SRA1: variants seen among roughly 807,000 people sequenced by gnomAD.
SRA1 encodes steroid receptor RNA activator 1, also known as lncRNA SRA.
In SRA1, 25 loss-of-function variants were observed where a neutral mutation model predicts 24.3. That is an observed-to-expected ratio of 1.03 (90% confidence interval 0.75 to 1.43). SRA1 has a LOEUF of 1.43. SRA1 is among the 40% of genes most tolerant of loss of function. SRA1 has a pLI of 0.00. For synonymous variants in SRA1, 104 were observed against 109.5 expected, an observed-to-expected ratio of 0.95 and a Z score of 0.31; for missense variants, 303 against 286.6, an observed-to-expected ratio of 1.06 and a Z score of -0.41.
intron 2 of SRA1, among the ~76,000 whole-genome samples, chr5:140,554,905 T>A (rs1331395328): frequency 6.6e-6 from 1 of 152,160 alleles, no homozygotes; most frequent in South Asian, 2.1e-4. Context: ...TTTTTTTTTT[T>A]ATTGAGATGG....
In SRA1 at chr5:140,552,166, G is replaced by A; in HGVS notation, c.170C>T (p.Ser57Phe). The A allele has an allele frequency of 1.3e-6, 2 of 1,598,814 alleles. No homozygotes were observed. Among genetic ancestry groups the A allele is most frequent in the East Asian group, 2.3e-5 (1 of 44,096 alleles). Residue 57 changes from serine to phenylalanine, a missense_variant, in exon 3 of 5, where the codon TCT (serine) becomes TTT (phenylalanine). Transcript: ENST00000336283. Reference protein sequence around the residue: ...GSPRVPASETSPGPPPMGPPP... With the variant: ...GSPRVPASETFPGPPPMGPPP... Reference sequence around the variant, plus strand: ...AGGCCCCATTGGGGGAGGCCCAGGAGAAGTCTCTGATGCGGGGACTGAAAA... The same window carrying A: ...AGGCCCCATTGGGGGAGGCCCAGGAAAAGTCTCTGATGCGGGGACTGAAAA...
rs779938887 is a variant in SRA1 at position 140,557,384 on chromosome 5, G to A, written c.25+44C>T. On this transcript the variant is annotated intron_variant, in intron 1 of 4. Transcript: ENST00000336283. ...AGCGCCGCAACCGCCCCCAGCCTAG[G>A]CCGGGGCGACAACCTAGTGCCCTAG... 3 of 1,600,760 alleles carry A rather than the reference G, an allele frequency of 1.9e-6. 1 individual carries two copies. The South Asian group carries it at 3.3e-5, about 18-fold the overall frequency.
intron 1 of SRA1, 47 bp from the exon 2 acceptor site, chr5:140,557,319 AGCTTATACTGGG>A (rs768869648): frequency 1.2e-6 from 2 of 1,606,392 alleles, no homozygotes; most frequent in Admixed American, 3.3e-5. Flanking sequence ...CTCCACTGTT[AGCTTATACTGGG>A]GCTGGGGGAG....
intron 2 of SRA1, among the ~76,000 whole-genome samples, chr5:140,556,398 T>C (rs1754696492): frequency 6.6e-6 from 1 of 151,960 alleles, no homozygotes; most frequent in Non-Finnish European, 1.5e-5. Flanking sequence ...AAATACAAAT[T>C]CCTCATCCTG....
At chr5:140,552,473 C>G (rs1754592793) in intron 2 of SRA1, among the ~76,000 whole-genome samples, 1 of 151,660 alleles carries the variant, frequency 6.6e-6, no homozygotes, top group African/African-American at 2.4e-5. Flanking sequence ...GCCAACATGG[C>G]AAAACCCTGT....
chr5:140,550,692 A>T lies in SRA1; in HGVS notation c.*8T>A. On this transcript the variant is annotated 3_prime_UTR_variant, in exon 5 of 5. Coordinates refer to ENST00000336283, the MANE Select transcript of SRA1 (RefSeq NM_001035235.4). The stretch of plus-strand genomic sequence containing the variant: ...AGATGGTGTCCGGTGAGTCTGGGGA[A>T]CCGAGGATTATGAAGCCTGCTGGAA... The T allele has an allele frequency of 6.2e-7, 1 of 1,613,736 alleles. No homozygotes were observed. Among genetic ancestry groups the T allele is most frequent in the South Asian group, 1.1e-5 (1 of 91,034 alleles).
chr5:140,551,355 T>A, intron 3 of SRA1, 186 bp from the exon 4 acceptor site: 1 of 564,888 alleles, frequency 1.8e-6, no homozygotes, highest in Non-Finnish European at 3.2e-6. Context: ...GCTGTCTTCT[T>A]CTGACACTGC....
intron 2 of SRA1, among the ~76,000 whole-genome samples, chr5:140,554,260 A>G (rs1481552321): frequency 6.6e-6 from 1 of 152,206 alleles, no homozygotes; most frequent in African/African-American, 2.4e-5. Context: ...GGGAAAACAG[A>G]GCCATGCTGA....
chr5:140,550,456 A>G lies in SRA1; in HGVS notation c.*244T>C. 3 of 569,620 alleles carry G rather than the reference A, an allele frequency of 5.3e-6. No individual in the cohort carries two copies. Among genetic ancestry groups the G allele is most frequent in the Non-Finnish European group, 9.4e-6 (3 of 318,604 alleles). 35.3% of individuals were successfully genotyped at this position (569,620 alleles called of 1,614,324 possible). A position where few individuals can be genotyped will look rare whatever the true frequency, so the allele number is the denominator to read the frequency against. On this transcript the variant is annotated 3_prime_UTR_variant, in exon 5 of 5. Transcript: ENST00000336283. The stretch of plus-strand genomic sequence containing the variant: ...AGGGAGCAGGGCAGTCGAGGACACC[A>G]GAGGGGACTAGCTTGGCACCGGAAG...
At chr5:140,551,273 A>G (rs1754553886) in intron 3 of SRA1, 104 bp from the exon 4 acceptor site, 1 of 812,764 alleles carries the variant, frequency 1.2e-6, no homozygotes, top group Non-Finnish European at 2.0e-6. Flanking sequence ...TCTGGCCCAC[A>G]CTTTAGAATT....
chr5:140,554,932 G>A (rs1017117603), intron 2 of SRA1, among the ~76,000 whole-genome samples: 3 of 151,818 alleles, frequency 2.0e-5, no homozygotes, highest in Non-Finnish European at 4.4e-5. Flanking sequence ...AGGCTGGAGT[G>A]CAATGGTGCG....
In SRA1 at chr5:140,552,106, G is replaced by A. The variant is rs148259347; in HGVS notation, c.230C>T (p.Pro77Leu). 8.0e-4 allele frequency: 1,296 copies of A among 1,613,438 alleles called. No individual in the cohort carries two copies. The highest frequency in any genetic ancestry group is 9.7e-4 in the Non-Finnish European group (1,141 of 1,179,556). The change falls in exon 3 of 5, where the codon CCT becomes CTT. Residue 77 changes from proline (P) to leucine (L), a missense_variant. Transcript: ENST00000336283. ...GCCAGAGGCAGGACCACTCCCCACA[G>A]GTGGGGACCTGGGAGCCTTACTTGA... ...PPSSKAPRSP[P>L]VGSGPASGVE...
intron 2 of SRA1, among the ~76,000 whole-genome samples, chr5:140,553,398 G>C (rs954267163): frequency 3.9e-5 from 6 of 152,152 alleles, no homozygotes; most frequent in South Asian, 2.1e-4. Flanking sequence ...TACCGGATGA[G>C]ATAGATGCAG....
chr5:140,555,254 A>C (rs1424670022), intron 2 of SRA1, among the ~76,000 whole-genome samples: 1 of 144,122 alleles, frequency 6.9e-6, no homozygotes, highest in Non-Finnish European at 1.5e-5. Flanking sequence ...TTCTTTTTTT[A>C]TTTTGGTTTT....
In SRA1 at chr5:140,550,783, A is replaced by C; in HGVS notation, c.592T>G (p.Ser198Ala). Residue 198 changes from serine to alanine, a missense_variant, in exon 5 of 5, where the codon TCA (serine) becomes GCA (alanine). Transcript: ENST00000336283. ...RLIAEKRSLF[S>A]EEAANEEKSA... ...TTCTCTTCATTGGCTGCCTCCTCTG[A>C]AAACAGACTCCTCTTTTCTGCAATT... 6.2e-7 allele frequency: 1 copy of C among 1,614,192 alleles called. No individual in the cohort carries two copies. The highest frequency in any genetic ancestry group is 8.5e-7 in the Non-Finnish European group (1 of 1,180,014).
At chr5:140,553,539 T>C (rs537563918) in intron 2 of SRA1, among the ~76,000 whole-genome samples, 19 of 152,278 alleles carry the variant, frequency 1.2e-4, no homozygotes, top group Non-Finnish European at 2.5e-4. Context: ...CTGAAGAAAG[T>C]AGTATGAGCT....
intron 2 of SRA1, among the ~76,000 whole-genome samples, chr5:140,556,941 C>A (rs1231404938): frequency 6.6e-6 from 1 of 152,094 alleles, no homozygotes; most frequent in Non-Finnish European, 1.5e-5. Context: ...AAAAAATAGT[C>A]TTTTTAAATC....
At chr5:140,557,062 G>C in intron 2 of SRA1, 85 bp downstream of exon 2, 2 of 1,318,976 alleles carry the variant, frequency 1.5e-6, no homozygotes, top group Non-Finnish European at 2.1e-6. Flanking sequence ...CTCGGGGAGA[G>C]AAAAAAGCCT....
chr5:140,555,090 G>C (rs1463652711), intron 2 of SRA1, among the ~76,000 whole-genome samples: 1 of 152,054 alleles, frequency 6.6e-6, no homozygotes, highest in Non-Finnish European at 1.5e-5. Flanking sequence ...CGTTGGCCAG[G>C]CTGGTCTTGA....
Sources: allele counts gnomAD v4.1 joint callset (sites outside exome capture counted in the v4.1 genomes callset), GRCh38; gene constraint gnomAD v4.1.1; transcripts MANE v1.5; gene names NCBI Gene and HGNC (gene_info 2026-07-23, HGNC 2026-07-21).